The following FBN1 variants were observed in gnomAD, a reference collection of about 807,000 sequenced individuals.
FBN1 encodes fibrillin-1.
Under a neutral mutation model 365.1 loss-of-function variants are expected in FBN1, and 29 were observed. That is an observed-to-expected ratio of 0.08 (90% CI 0.06 to 0.11). FBN1 has a LOEUF of 0.11. Among genes scored for constraint, FBN1 ranks in the 10% least tolerant of loss-of-function variants. FBN1 has a pLI of 1.00. For synonymous variants in FBN1, 1,210 were observed against 1,270.5 expected (o/e 0.95, Z 1.01); for missense variants, 2,476 against 3,703.2 (o/e 0.67, Z 8.60).
At chr15:48,413,917 C>T (rs922061058) in intron 64 of FBN1, among the ~76,000 whole-genome samples, 2 of 152,148 alleles carry the variant, frequency 1.3e-5, no homozygotes, top group African/African-American at 4.8e-5. Flanking sequence ...ATTTCCTTTC[C>T]TCTTTATCTT....
rs78035736 is a variant in FBN1, at chr15:48,593,510, T to A, written c.538+2773A>T. ...TTCTGAAAGATGGGACCAAATTCAA[T>A]TAGATATCAACATTGTAATCAGCTC... On this transcript the variant is annotated intron_variant, in intron 6 of 65. Transcript: ENST00000316623. Among the ~76,000 whole-genome samples the A allele has an allele frequency of 2.7e-4, 41 of 152,306 alleles. No individual in the cohort carries two copies. The East Asian group carries it at 7.9e-3, about 29-fold the overall frequency.
intron 43 of FBN1, among the ~76,000 whole-genome samples, chr15:48,457,427 T>G (rs1433941547): frequency 2.0e-5 from 3 of 152,128 alleles, no homozygotes; most frequent in African/African-American, 7.2e-5. Context: ...TCAATTCAAA[T>G]TTGTTCAGTT....
At chr15:48,548,870 T>C (rs1262790467) in intron 6 of FBN1, among the ~76,000 whole-genome samples, 1 of 152,228 alleles carries the variant, frequency 6.6e-6, no homozygotes, top group Non-Finnish European at 1.5e-5. Context: ...TGGATATTTA[T>C]GAAGCATGTT....
chr15:48,616,958 CA>C (rs983181486), intron 2 of FBN1, among the ~76,000 whole-genome samples: 41 of 152,156 alleles, frequency 2.7e-4, no homozygotes, highest in Admixed American at 1.3e-3. Flanking sequence ...GCCAAGGTCA[CA>C]TAGCTTAGAC....
chr15:48,431,517 A>C lies in FBN1; in HGVS notation c.6740-715T>G, dbSNP rs183404266. Among the ~76,000 whole-genome samples the C allele has an allele frequency of 1.1e-3, 170 of 152,248 alleles. 2 individuals are homozygous for C. Among genetic ancestry groups the C allele is most frequent in the African/African-American group, 3.8e-3 (159 of 41,564 alleles). On this transcript the variant is annotated intron_variant, in intron 55 of 65. Coordinates refer to ENST00000316623, the MANE Select transcript of FBN1 (RefSeq NM_000138.5). ...AATGGATATATCTTAATATAACAAT[A>C]ATTATAACAGCATTATAATCACAAT...
intron 2 of FBN1, among the ~76,000 whole-genome samples, chr15:48,622,420 C>T (rs1483311201): frequency 3.3e-5 from 5 of 152,290 alleles, no homozygotes; most frequent in South Asian, 4.1e-4. Flanking sequence ...TGATGTTTCC[C>T]GGTTGCTAAG....
chr15:48,568,052 G>A (rs200240868), intron 6 of FBN1, among the ~76,000 whole-genome samples: 569 of 46,234 alleles, frequency 0.012, 1 homozygote, highest in East Asian at 0.029. Flanking sequence ...AAAGAAAGAA[G>A]AAAGAAAGAA....
intron 55 of FBN1, among the ~76,000 whole-genome samples, chr15:48,431,161 G>C (rs1243616171): frequency 6.6e-6 from 1 of 151,904 alleles, no homozygotes; most frequent in Non-Finnish European, 1.5e-5. Flanking sequence ...GCAGTGGCCC[G>C]ATCTCAGCTC....
At chr15:48,490,373 G>A (rs377646146) in intron 24 of FBN1, among the ~76,000 whole-genome samples, 5 of 152,032 alleles carry the variant, frequency 3.3e-5, no homozygotes, top group East Asian at 1.9e-4. Context: ...GTGTTCTTTC[G>A]GGAGATGTTT....
chr15:48,419,857 T>C (rs2042926871), intron 63 of FBN1, among the ~76,000 whole-genome samples: 2 of 152,208 alleles, frequency 1.3e-5, no homozygotes, highest in Non-Finnish European at 2.9e-5. Flanking sequence ...TCACAGACGC[T>C]TGCTGAATGA....
chr15:48,435,167 T>G (rs990810141), intron 53 of FBN1, among the ~76,000 whole-genome samples: 3 of 152,200 alleles, frequency 2.0e-5, no homozygotes, highest in Admixed American at 6.6e-5. Context: ...ATCTCAGGTT[T>G]ATAGCCGTGA....
At chr15:48,436,740 AG>A (rs531477521) in intron 53 of FBN1, among the ~76,000 whole-genome samples, 80 of 152,268 alleles carry the variant, frequency 5.3e-4, no homozygotes, top group African/African-American at 1.7e-3. Flanking sequence ...CATGAAAGGA[AG>A]GAACTTGTCT....
chr15:48,453,020 G>C (rs936902436), intron 44 of FBN1, among the ~76,000 whole-genome samples: 2 of 152,162 alleles, frequency 1.3e-5, no homozygotes, highest in Admixed American at 6.5e-5. Flanking sequence ...ACTTTGGGAA[G>C]CTAAGGCGGG....
chr15:48,579,448 A>G (rs746594990), intron 6 of FBN1, among the ~76,000 whole-genome samples: 2 of 152,178 alleles, frequency 1.3e-5, no homozygotes, highest in African/African-American at 2.4e-5. Flanking sequence ...TTGAATATAT[A>G]GCTCTACTAC....
rs143863014 is a variant in FBN1 at position 48,425,828 on chromosome 15, C to T, written c.7241G>A (p.Arg2414Gln). 61 of 1,611,862 alleles carry T rather than the reference C, an allele frequency of 3.8e-5. No individual in the cohort carries two copies. The highest frequency in any genetic ancestry group is 1.1e-4 in the East Asian group (5 of 44,842). The change falls in exon 59 of 66, where the codon CGA becomes CAA. Residue 2414 changes from arginine (R) to glutamine (Q), a missense_variant. Transcript: ENST00000316623. ...TCTGTCATTGACACATTCCCCATTT[C>T]GGCAAACATCGTGAATAACCTTGCA... Reference protein sequence around the residue: ...DECKVIHDVCRNGECVNDRGS... With the variant: ...DECKVIHDVCQNGECVNDRGS...
At chr15:48,611,415 C>CT (rs1358664009) in intron 3 of FBN1, among the ~76,000 whole-genome samples, 1 of 152,112 alleles carries the variant, frequency 6.6e-6, no homozygotes, top group Non-Finnish European at 1.5e-5. Context: ...CATGTGCCAC[C>CT]ATGCCCAGCT....
chr15:48,469,873 T>C (rs111451252), intron 36 of FBN1, among the ~76,000 whole-genome samples: 1 of 152,020 alleles, frequency 6.6e-6, no homozygotes, highest in Non-Finnish European at 1.5e-5. Context: ...GAATACTCCA[T>C]CCAGAGCATT....
At chr15:48,592,844 G>A (rs1027857596) in intron 6 of FBN1, among the ~76,000 whole-genome samples, 1 of 152,132 alleles carries the variant, frequency 6.6e-6, no homozygotes, top group Non-Finnish European at 1.5e-5. Flanking sequence ...ACTAGAAGAT[G>A]TATTTAAAGG....
Position 48,408,965 on chromosome 15 carries a change from C to T in FBN1, c.*2025G>A, listed in dbSNP as rs1404950365. On this transcript the variant is annotated 3_prime_UTR_variant, in exon 66 of 66. Coordinates refer to ENST00000316623, the MANE Select transcript of FBN1 (RefSeq NM_000138.5). Reference sequence around the variant, plus strand: ...TTCTTCGATAACAATTTTAATACACCTCTATCACATGGTTCCATAGGTGCA... The same window carrying T: ...TTCTTCGATAACAATTTTAATACACTTCTATCACATGGTTCCATAGGTGCA... The T allele has an allele frequency of 6.6e-6, 1 of 152,146 alleles. No individual in the cohort carries two copies. Among genetic ancestry groups the T allele is most frequent in the East Asian group, 1.9e-4 (1 of 5,196 alleles). The allele number at this position is 152,146 out of a possible 1,614,324, so 9.4% of individuals were successfully genotyped here.
Sources: gnomAD v4.1 joint callset for allele counts (sites outside exome capture counted in the v4.1 genomes callset) on GRCh38, gnomAD v4.1.1 for gene constraint, MANE v1.5 for transcripts, NCBI Gene and HGNC (gene_info 2026-07-23, HGNC 2026-07-21) for gene names.